Variants in POU6F2 observed in about 807,000 individuals in gnomAD.
POU6F2 encodes POU class 6 homeobox 2.
POU6F2 carries 31 observed loss-of-function variants against 71.3 expected under a neutral mutation model. The ratio of observed to expected loss-of-function variants is 0.43; its 90% confidence interval spans 0.33 to 0.59. POU6F2 has a LOEUF of 0.59. POU6F2 is among the 20% of genes least tolerant of loss of function. POU6F2 has a pLI of 0.04. For synonymous variants in POU6F2, 347 were observed against 355.7 expected (o/e 0.98, Z 0.27); for missense variants, 783 against 856.8 (o/e 0.91, Z 1.07).
chr7:39,130,898 G>C (rs1197311258), intron 2 of POU6F2, among the ~76,000 whole-genome samples: 1 of 152,140 alleles, frequency 6.6e-6, no homozygotes, highest in Non-Finnish European at 1.5e-5. Context: ...GCCTTTCGGC[G>C]TTCCCACCTG....
chr7:39,349,561 C>T (rs928118883), intron 5 of POU6F2, among the ~76,000 whole-genome samples: 1 of 152,132 alleles, frequency 6.6e-6, no homozygotes, highest in Non-Finnish European at 1.5e-5. Flanking sequence ...CCTCATTCTC[C>T]ACCCCTGCAT....
chr7:39,055,770 C>G (rs1469315340), intron 1 of POU6F2, among the ~76,000 whole-genome samples: 8 of 152,062 alleles, frequency 5.3e-5, no homozygotes, highest in African/African-American at 1.9e-4. Context: ...TCTAGATACA[C>G]ACAAACATAG....
rs1436105720 is a variant in POU6F2, at chr7:39,464,379, G to A, written c.1856G>A (p.Arg619Gln). 12 of 1,613,882 alleles carry A rather than the reference G, an allele frequency of 7.4e-6. No homozygotes were observed. Among genetic ancestry groups the A allele is most frequent in the African/African-American group, 2.7e-5 (2 of 74,920 alleles). The change falls in exon 10 of 10, where the codon CGA (arginine) becomes CAA (glutamine). Residue 619 changes from arginine to glutamine, a missense_variant. Physicochemically the swap from Arg to Gln is conservative, Grantham distance 43. Around this residue, in one of 2 missense-constraint regions of POU6F2, gnomAD observed 211 missense variants for 283.9 expected, o/e 0.74. Coordinates refer to ENST00000518318, the MANE Select transcript of POU6F2 (RefSeq NM_001370959.1). This position sits in a 1 kb window ranked among gnomAD's most constrained non-coding sequence, Gnocchi z 4.1. Reference protein sequence around the residue: ...RWMAEAEARHRAGMQNLTEFI... With the variant: ...RWMAEAEARHQAGMQNLTEFI... ...ATGGCTGAGGCTGAGGCCCGCCATC[G>A]AGCAGGTATGCAGAACCTGACCGAG...
intron 1 of POU6F2, among the ~76,000 whole-genome samples, chr7:39,015,812 AG>A (rs1789488344): frequency 1.2e-5 from 1 of 84,000 alleles, no homozygotes; most frequent in Non-Finnish European, 2.1e-5. Flanking sequence ...TATATTATAT[AG>A]GTATATATTA....
chr7:39,259,362 C>G (rs1784088665), intron 4 of POU6F2, among the ~76,000 whole-genome samples: 1 of 152,194 alleles, frequency 6.6e-6, no homozygotes, highest in Non-Finnish European at 1.5e-5. Flanking sequence ...CCTTTGGAAA[C>G]AGATCATCCC....
intron 4 of POU6F2, among the ~76,000 whole-genome samples, chr7:39,218,445 C>G (rs752471752): frequency 6.6e-6 from 1 of 152,098 alleles, no homozygotes; most frequent in African/African-American, 2.4e-5. Flanking sequence ...CCAAGAAAAC[C>G]GTATCTTCTC....
rs78772312 is a variant in POU6F2 at position 39,215,851 on chromosome 7, C to T, written c.598+8231C>T. Among the ~76,000 whole-genome samples, 11 of 152,272 alleles carry T rather than the reference C, an allele frequency of 7.2e-5. No individual in the cohort carries two copies. In the East Asian group the frequency reaches 2.1e-3, roughly 29 times the overall value. On this transcript the variant is annotated intron_variant, in intron 4 of 9. Transcript: ENST00000518318. ...GTCCTAAGTGCTAAGCACAAAATCT[C>T]AAAATCTCCAACAGGAAGGTGTGTT...
chr7:39,381,525 A>G (rs934577507), intron 5 of POU6F2, among the ~76,000 whole-genome samples: 12 of 152,144 alleles, frequency 7.9e-5, no homozygotes, highest in Admixed American at 7.2e-4. Context: ...TGCAGGCATG[A>G]GCCTCCATGC....
intron 2 of POU6F2, among the ~76,000 whole-genome samples, chr7:39,113,274 C>G (rs966272376): frequency 6.6e-6 from 1 of 152,006 alleles, no homozygotes; most frequent in African/African-American, 2.4e-5. Flanking sequence ...GAGAAATACT[C>G]TAAGTTAAAT....
intron 5 of POU6F2, among the ~76,000 whole-genome samples, chr7:39,353,269 A>G (rs1786178168): frequency 6.6e-6 from 1 of 152,240 alleles, no homozygotes. Flanking sequence ...TATCAGCCTA[A>G]GGATGCATAC....
intron 4 of POU6F2, among the ~76,000 whole-genome samples, chr7:39,288,988 CTCCA>C (rs1784698687): frequency 6.6e-6 from 1 of 152,218 alleles, no homozygotes; most frequent in Admixed American, 6.5e-5. Flanking sequence ...GGTGCGTTTT[CTCCA>C]ACTTCCAAAC....
chr7:39,268,672 G>A (rs1050084095), intron 4 of POU6F2, among the ~76,000 whole-genome samples: 1 of 152,130 alleles, frequency 6.6e-6, no homozygotes, highest in Admixed American at 6.5e-5. Flanking sequence ...AGACACTCAC[G>A]CTCATGGAAA....
intron 1 of POU6F2, among the ~76,000 whole-genome samples, chr7:39,068,045 A>T (rs1584525985): frequency 6.6e-6 from 1 of 152,264 alleles, no homozygotes; most frequent in East Asian, 1.9e-4. Flanking sequence ...AACTGTCAAA[A>T]TTTTATTTTT....
intron 6 of POU6F2, among the ~76,000 whole-genome samples, chr7:39,413,509 A>T (rs1787598568): frequency 6.6e-6 from 1 of 152,226 alleles, no homozygotes; most frequent in Non-Finnish European, 1.5e-5. Flanking sequence ...CAATCTATTC[A>T]TATCACCTTG....
At chr7:39,145,959 C>T (rs182622480) in intron 2 of POU6F2, among the ~76,000 whole-genome samples, 1 of 152,176 alleles carries the variant, frequency 6.6e-6, no homozygotes, top group African/African-American at 2.4e-5. Context: ...AGAGAAAATG[C>T]ACTCATTTTT....
chr7:39,303,596 T>C (rs1784994714), intron 4 of POU6F2, among the ~76,000 whole-genome samples: 1 of 152,222 alleles, frequency 6.6e-6, no homozygotes, highest in Non-Finnish European at 1.5e-5. Flanking sequence ...AGTGATCCTC[T>C]GGTTGGATGG....
intron 2 of POU6F2, among the ~76,000 whole-genome samples, chr7:39,151,156 A>G (rs1417920640): frequency 1.3e-5 from 2 of 151,930 alleles, no homozygotes; most frequent in Admixed American, 6.6e-5. Flanking sequence ...TTTCTTTGCT[A>G]TTAAACATGG....
intron 1 of POU6F2, among the ~76,000 whole-genome samples, chr7:39,071,678 C>T (rs950843828): frequency 1.3e-5 from 2 of 151,250 alleles, no homozygotes; most frequent in Admixed American, 6.6e-5. Context: ...CACACACACA[C>T]ACACACACAC....
At chr7:39,012,750 A>T (rs1177910346) in intron 1 of POU6F2, among the ~76,000 whole-genome samples, 1 of 150,638 alleles carries the variant, frequency 6.6e-6, no homozygotes, top group Non-Finnish European at 1.5e-5. Flanking sequence ...AACAGACAGG[A>T]CCCTCAGCTG....
Sources: gnomAD v4.1 joint callset for allele counts (sites outside exome capture counted in the v4.1 genomes callset) on GRCh38, gnomAD v4.1.1 for gene constraint, gnomAD v4.1.1 regional missense constraint, Gnocchi (gnomAD v3.1) non-coding constraint, MANE v1.5 for transcripts, NCBI Gene and HGNC (gene_info 2026-07-23, HGNC 2026-07-21) for gene names.